Variants in PRPF6 observed in about 807,000 individuals in gnomAD.
The protein encoded by PRPF6 is pre-mRNA-processing factor 6.
PRPF6 carries 42 observed loss-of-function variants against 118.3 expected under a neutral mutation model. That is an observed-to-expected ratio of 0.35 (90% CI 0.28 to 0.46). The LOEUF is 0.46. Among genes scored for constraint, PRPF6 ranks in the 20% least tolerant of loss-of-function variants. The pLI is 1.00. For missense variants in PRPF6, 662 were observed against 1,255.7 expected (o/e 0.53, Z 7.15); for synonymous variants, 481 against 485.1 (o/e 0.99, Z 0.11).
At chr20:64,014,193 G>T (rs2059227573) in intron 11 of PRPF6, among the ~76,000 whole-genome samples, 1 of 151,988 alleles carries the variant, frequency 6.6e-6, no homozygotes. Context: ...ACCTGCCTCG[G>T]CCTCCCAGAG....
intron 9 of PRPF6, among the ~76,000 whole-genome samples, chr20:64,007,524 T>C (rs1187935201): frequency 2.7e-5 from 4 of 149,716 alleles, no homozygotes; most frequent in Non-Finnish European, 1.5e-5. Flanking sequence ...TGGAGTTCAG[T>C]GGTGCAGTTT....
At chr20:64,022,621 T>C (rs2059271603) in intron 12 of PRPF6, 136 bp from the exon 13 acceptor site, 3 of 1,378,292 alleles carry the variant, frequency 2.2e-6, no homozygotes, top group African/African-American at 2.8e-5. Flanking sequence ...ATTGTGGTTC[T>C]AATTAGATAA....
rs562628690 is a variant in PRPF6, at chr20:64,017,379, A to G, written c.1647+534A>G. On this transcript the variant is annotated intron_variant, in intron 12 of 20. Transcript: ENST00000266079. ...CGTGAGCCACCGCGCCCGGCCTCCC[A>G]GAGTGCTGGGATCACAGGCGTGAGC... Among the ~76,000 whole-genome samples the G allele has an allele frequency of 2.2e-3, 322 of 148,694 alleles. 5 individuals are homozygous for G. Among genetic ancestry groups the G allele is most frequent in the African/African-American group, 7.9e-3 (312 of 39,394 alleles).
At chr20:64,025,450 C>T (rs1315505971) in intron 14 of PRPF6, among the ~76,000 whole-genome samples, 1 of 152,320 alleles carries the variant, frequency 6.6e-6, no homozygotes, top group Admixed American at 6.5e-5. Flanking sequence ...TGTGAGCTTC[C>T]GTGGCTTGTG....
chr20:64,023,153 T>C (rs533821701), intron 13 of PRPF6, among the ~76,000 whole-genome samples: 36 of 152,194 alleles, frequency 2.4e-4, no homozygotes, highest in African/African-American at 8.7e-4. Flanking sequence ...GCCTGAGGAG[T>C]GGCCTGGGTA....
intron 3 of PRPF6, among the ~76,000 whole-genome samples, chr20:63,987,569 C>T (rs1196260792): frequency 6.6e-6 from 1 of 152,198 alleles, no homozygotes; most frequent in Non-Finnish European, 1.5e-5. Flanking sequence ...ACTTTCACCA[C>T]TGTGATTCAA....
At chr20:63,989,235 C>A (rs150649480) in intron 3 of PRPF6, among the ~76,000 whole-genome samples, 1 of 152,052 alleles carries the variant, frequency 6.6e-6, no homozygotes, top group Non-Finnish European at 1.5e-5. Context: ...ATACAAAAAT[C>A]AAATTAAAAG....
chr20:64,022,129 G>GC (rs2059269685), intron 12 of PRPF6, among the ~76,000 whole-genome samples: 1 of 152,234 alleles, frequency 6.6e-6, no homozygotes, highest in African/African-American at 2.4e-5. Flanking sequence ...GAAGCAGCAA[G>GC]CAGCCCCATG....
At position 64,026,142 on chromosome 20, in the gene PRPF6, G is replaced by A; in HGVS notation, c.2028+84G>A. The A allele has an allele frequency of 6.3e-7, 1 of 1,583,438 alleles. No homozygotes were observed. ...CCACGCCTGGCTTGGGTGGTGATGG[G>A]AGTGAGATGACGGCAGGCAAACGAG... On this transcript the variant is annotated intron_variant, in intron 15 of 20. Transcript: ENST00000266079. The surrounding 1 kb of genome is among the most constrained non-coding windows in gnomAD (Gnocchi z 4.4).
intron 3 of PRPF6, among the ~76,000 whole-genome samples, chr20:63,985,841 A>G (rs2059090714): frequency 6.6e-6 from 1 of 152,210 alleles, no homozygotes. Context: ...AGAAGAACTA[A>G]TACCAATTCT....
chr20:64,023,359 G>T (rs1455342622), intron 13 of PRPF6, among the ~76,000 whole-genome samples: 1 of 152,224 alleles, frequency 6.6e-6, no homozygotes, highest in Non-Finnish European at 1.5e-5. Flanking sequence ...CATCTTTCAG[G>T]TCCGCTTTAT....
At chr20:64,000,859 G>A (rs1006822371) in intron 8 of PRPF6, among the ~76,000 whole-genome samples, 2 of 152,122 alleles carry the variant, frequency 1.3e-5, no homozygotes, top group Non-Finnish European at 2.9e-5. Flanking sequence ...GAGCCACCGC[G>A]CCCGGCCATT....
At chr20:64,022,690 G>A (rs985718517) in intron 12 of PRPF6, 67 bp from the exon 13 acceptor site, 1 of 1,604,456 alleles carries the variant, frequency 6.2e-7, no homozygotes, top group Non-Finnish European at 8.5e-7. Flanking sequence ...AGCCTGGGGA[G>A]GGCATCATGC....
At chr20:64,000,570 A>AT (rs773832856) in intron 8 of PRPF6, among the ~76,000 whole-genome samples, 8,087 of 141,590 alleles carry the variant, frequency 0.057, 288 homozygotes, top group Non-Finnish European at 0.085. Context: ...GTGGTGTTTC[A>AT]TTTTTTTTTT....
At chr20:64,019,817 G>T (rs2059254822) in intron 12 of PRPF6, among the ~76,000 whole-genome samples, 1 of 152,222 alleles carries the variant, frequency 6.6e-6, no homozygotes, top group African/African-American at 2.4e-5. Flanking sequence ...GAAGCCATGT[G>T]ACTTGGGAGG....
intron 12 of PRPF6, among the ~76,000 whole-genome samples, chr20:64,018,701 A>G (rs796559061): frequency 4.6e-5 from 7 of 152,024 alleles, no homozygotes; most frequent in African/African-American, 1.7e-4. Context: ...CCTGGCCTCA[A>G]GTGATCCCAC....
intron 19 of PRPF6, among the ~76,000 whole-genome samples, chr20:64,030,553 C>T (rs2059310094): frequency 6.6e-6 from 1 of 152,188 alleles, no homozygotes; most frequent in Non-Finnish European, 1.5e-5. Context: ...ATGAGAGAGG[C>T]TCCCCACAGG....
rs816932 is a variant in PRPF6, at chr20:64,029,674, G to C, written c.2546+183G>C. Among the ~76,000 whole-genome samples, 9,346 of 152,366 alleles carry C rather than the reference G, an allele frequency of 0.061. 308 individuals carry two copies. The highest frequency in any genetic ancestry group is 0.12 in the Middle Eastern group (35 of 294). The stretch of plus-strand genomic sequence containing the variant: ...GGCGCCTCTCCTGGCAGACACACCT[G>C]AGGGTGCCGTGGTCAGAGACTCACT... On this transcript the variant is annotated intron_variant, in intron 19 of 20. Transcript: ENST00000266079. The surrounding 1 kb of genome is among the most constrained non-coding windows in gnomAD (Gnocchi z 4.8).
chr20:63,994,030 G>A (rs892389762), intron 4 of PRPF6, among the ~76,000 whole-genome samples: 4 of 151,488 alleles, frequency 2.6e-5, no homozygotes, highest in Non-Finnish European at 4.4e-5. Context: ...GATTACAGGC[G>A]TGAGCCACCA....
Sources: allele counts gnomAD v4.1 joint callset (sites outside exome capture counted in the v4.1 genomes callset), GRCh38; gene constraint gnomAD v4.1.1; non-coding constraint Gnocchi (gnomAD v3.1); transcripts MANE v1.5; gene names NCBI Gene and HGNC (gene_info 2026-07-23, HGNC 2026-07-21).